Variants in NRG1 observed in about 807,000 individuals in gnomAD.
The protein encoded by NRG1 is neuregulin 1.
NRG1 carries 18 observed loss-of-function variants against 63.8 expected under a neutral mutation model. The ratio of observed to expected loss-of-function variants is 0.28; its 90% CI spans 0.19 to 0.42. The LOEUF (loss-of-function observed/expected upper bound fraction) is 0.42, where lower values mean the gene tolerates loss of function less well. NRG1 is among the 10% of genes least tolerant of loss of function. The probability of loss-of-function intolerance (pLI) is 1.00; values close to 1 mark genes in which losing one functional copy is unlikely to be tolerated. For missense variants in NRG1, 762 were observed against 814.7 expected (o/e 0.94, Z 0.79); for synonymous variants, 302 against 301.3 (o/e 1.00, Z -0.02).
intron 1 of NRG1, among the ~76,000 whole-genome samples, chr8:32,094,247 A>G (rs1369656301): frequency 6.6e-6 from 1 of 152,176 alleles, no homozygotes; most frequent in African/African-American, 2.4e-5. Flanking sequence ...CCCTGAATTA[A>G]CAGAACCCTA....
At chr8:31,948,899 A>T (rs1803037001) in intron 1 of NRG1, among the ~76,000 whole-genome samples, 1 of 152,170 alleles carries the variant, frequency 6.6e-6, no homozygotes, top group Non-Finnish European at 1.5e-5. Flanking sequence ...TCTCCTGGTT[A>T]ATTCAGAGGA....
intron 1 of NRG1, among the ~76,000 whole-genome samples, chr8:31,703,518 G>T (rs947257590): frequency 9.9e-5 from 15 of 152,222 alleles, no homozygotes; most frequent in African/African-American, 3.6e-4. Context: ...GAACACTGAA[G>T]ATTTTTAAAA....
chr8:32,582,514 G>T (rs1478782011), intron 1 of NRG1, among the ~76,000 whole-genome samples: 2 of 152,168 alleles, frequency 1.3e-5, no homozygotes, highest in South Asian at 4.1e-4. Context: ...TGCTTATTGT[G>T]TGTGTGACAG....
intron 1 of NRG1, among the ~76,000 whole-genome samples, chr8:31,949,252 G>A (rs1326639687): frequency 1.3e-5 from 2 of 152,098 alleles, no homozygotes; most frequent in African/African-American, 4.8e-5. Flanking sequence ...CTGTGACTTA[G>A]ATGCATTAAT....
chr8:32,596,044 C>G (rs780602858), intron 2 of NRG1, 39 bp downstream of exon 2: 1 of 1,489,638 alleles, frequency 6.7e-7, no homozygotes, highest in South Asian at 1.2e-5. Context: ...CTGCCCCCAG[C>G]AATAAGATAA....
At chr8:32,554,405 A>G (rs1834716406) in intron 1 of NRG1, among the ~76,000 whole-genome samples, 1 of 152,220 alleles carries the variant, frequency 6.6e-6, no homozygotes, top group African/African-American at 2.4e-5. Flanking sequence ...AGAAAAAAAG[A>G]AGAAATGGAC....
chr8:32,739,804 G>A (rs551371837), intron 6 of NRG1, among the ~76,000 whole-genome samples: 1 of 151,846 alleles, frequency 6.6e-6, no homozygotes, highest in Admixed American at 6.6e-5. Flanking sequence ...CAATTGTGTG[G>A]TGTGTGTGTG....
chr8:31,959,131 A>G (rs920953741), intron 1 of NRG1, among the ~76,000 whole-genome samples: 4 of 152,194 alleles, frequency 2.6e-5, no homozygotes, highest in Admixed American at 2.6e-4. Context: ...TGGTTGCTCA[A>G]TAAATACCAG....
intron 1 of NRG1, among the ~76,000 whole-genome samples, chr8:31,987,117 G>A (rs1352977337): frequency 6.6e-6 from 1 of 151,896 alleles, no homozygotes; most frequent in African/African-American, 2.4e-5. Context: ...GGCCAGCATG[G>A]TGAAACCCCG....
intron 1 of NRG1, among the ~76,000 whole-genome samples, chr8:31,909,086 A>G (rs1832742882): frequency 6.6e-6 from 1 of 152,184 alleles, no homozygotes; most frequent in South Asian, 2.1e-4. Flanking sequence ...TATAATGTTT[A>G]GTAAAAAGCT....
intron 1 of NRG1, among the ~76,000 whole-genome samples, chr8:32,371,229 A>C (rs1053174828): frequency 6.6e-6 from 1 of 152,178 alleles, no homozygotes; most frequent in African/African-American, 2.4e-5. Flanking sequence ...AACAGAACAA[A>C]AAAAGAAAAG....
chr8:32,610,225 ATCCTAATTTTT>A, intron 3 of NRG1, among the ~76,000 whole-genome samples: 1 of 152,168 alleles, frequency 6.6e-6, no homozygotes, highest in East Asian at 1.9e-4. Context: ...CAATCTAATT[ATCCTAATTTTT>A]TCCTATGCAG....
intron 1 of NRG1, among the ~76,000 whole-genome samples, chr8:31,710,522 A>G (rs569800357): frequency 1.3e-5 from 2 of 151,958 alleles, no homozygotes; most frequent in Admixed American, 1.3e-4. Context: ...CTGTAATTTC[A>G]GGTTTGTGAA....
chr8:32,558,077 A>C (rs1309003191), intron 1 of NRG1, among the ~76,000 whole-genome samples: 1 of 152,306 alleles, frequency 6.6e-6, no homozygotes. Context: ...ACTTAAAAGA[A>C]GGCAGAAAAG....
chr8:32,299,212 T>C (rs1475626789), intron 1 of NRG1, among the ~76,000 whole-genome samples: 2 of 152,110 alleles, frequency 1.3e-5, no homozygotes, highest in Non-Finnish European at 1.5e-5. Flanking sequence ...TTTTCCAGTA[T>C]GTTTTCTAGA....
chr8:31,749,243 A>T (rs1282446757), intron 1 of NRG1, among the ~76,000 whole-genome samples: 1 of 151,928 alleles, frequency 6.6e-6, no homozygotes, highest in Non-Finnish European at 1.5e-5. Flanking sequence ...CAGATTGGAT[A>T]TAAAGTGATT....
chr8:32,064,961 G>C (rs936863734), intron 1 of NRG1, among the ~76,000 whole-genome samples: 1 of 152,094 alleles, frequency 6.6e-6, no homozygotes, highest in Non-Finnish European at 1.5e-5. Context: ...AAATGTACAT[G>C]ATACAAGTAA....
intron 1 of NRG1, among the ~76,000 whole-genome samples, chr8:32,538,110 C>A (rs1204333588): frequency 6.6e-6 from 1 of 152,118 alleles, no homozygotes; most frequent in Non-Finnish European, 1.5e-5. Flanking sequence ...CCTCGGCCTC[C>A]TAAAATGCTG....
At chr8:32,543,469 A>G (rs147732134), upstream of NRG1, among the ~76,000 whole-genome samples, 16 of 152,262 alleles carry the variant, frequency 1.1e-4, no homozygotes, top group African/African-American at 3.8e-4. Flanking sequence ...TAAGAAATTC[A>G]AATGTTTTCA....
Sources: gnomAD v4.1 joint callset for allele counts (sites outside exome capture counted in the v4.1 genomes callset) on GRCh38, gnomAD v4.1.1 for gene constraint, MANE v1.5 for transcripts, NCBI Gene and HGNC (gene_info 2026-07-23, HGNC 2026-07-21) for gene names.